AKAP14: variants seen among roughly 807,000 people sequenced by gnomAD.
AKAP14 encodes the protein A-kinase anchoring protein 14, also known as A-kinase anchor protein 14.
Under a neutral mutation model 17.0 loss-of-function variants are expected in AKAP14, and 4 were observed. The observed-to-expected ratio is 0.23, with a 90% CI of 0.12 to 0.54. The LOEUF is 0.54. AKAP14 is among the 20% of genes least tolerant of loss of function. The pLI is 0.95. For missense variants in AKAP14, 129 were observed against 150.9 expected (o/e 0.85, Z 0.76); for synonymous variants, 42 against 51.3 (o/e 0.82, Z 0.77).
At chrX:119,900,255 G>C (rs759270728) in intron 2 of AKAP14, among the ~76,000 whole-genome samples, 1 of 112,184 alleles carries the variant, frequency 8.9e-6, no homozygotes, top group South Asian at 3.7e-4. Context: ...ACCACACCTG[G>C]CTAATTTTTG....
intron 2 of AKAP14, among the ~76,000 whole-genome samples, chrX:119,899,575 G>GCAGC (rs751195182): frequency 0.017 from 1,879 of 111,357 alleles, 23 homozygotes; most frequent in Middle Eastern, 0.06. Flanking sequence ...GGGACTTCAT[G>GCAGC]CAGCCAGCCA....
chrX:119,899,468 CCGGGG>C (rs2147826638), intron 2 of AKAP14, among the ~76,000 whole-genome samples: 1 of 111,440 alleles, frequency 9.0e-6, no homozygotes, highest in Admixed American at 9.7e-5. Context: ...GTGCAGCTCC[CCGGGG>C]CTAGTAACAG....
chrX:119,914,014 C>T (rs2056642719), intron 4 of AKAP14, among the ~76,000 whole-genome samples: 1 of 110,625 alleles, frequency 9.0e-6, no homozygotes, highest in South Asian at 3.9e-4. Flanking sequence ...GTGGGTAAAT[C>T]GCTTGAGGTC....
intron 4 of AKAP14, among the ~76,000 whole-genome samples, chrX:119,907,711 G>T (rs769566989): frequency 9.1e-6 from 1 of 110,412 alleles, no homozygotes; most frequent in Non-Finnish European, 1.9e-5. Context: ...CTCCTGCCTC[G>T]GCCTCCTAAA....
chrX:119,899,860 A>G (rs1399814782), intron 2 of AKAP14, among the ~76,000 whole-genome samples: 1 of 112,174 alleles, frequency 8.9e-6, no homozygotes, highest in Non-Finnish European at 1.9e-5. Flanking sequence ...TTATAGAAAA[A>G]TAGCTCCATT....
At chrX:119,914,441 C>T (rs935457591) in intron 4 of AKAP14, among the ~76,000 whole-genome samples, 4 of 110,259 alleles carry the variant, frequency 3.6e-5, no homozygotes, top group African/African-American at 1.3e-4. Context: ...TTGCCTCAGC[C>T]TCCCCAGTAG....
At chrX:119,911,961 G>A (rs757657935) in intron 4 of AKAP14, among the ~76,000 whole-genome samples, 24 of 104,127 alleles carry the variant, frequency 2.3e-4, no homozygotes, top group Admixed American at 1.1e-3. Context: ...ATGGAGTTTC[G>A]CTCTTGTCGC....
intron 5 of AKAP14, among the ~76,000 whole-genome samples, chrX:119,919,255 A>G (rs781602970): frequency 1.6e-3 from 178 of 112,211 alleles, no homozygotes; most frequent in Non-Finnish European, 2.8e-3. Flanking sequence ...CTTTTCATCT[A>G]TATTAATTCA....
rs1445812837 is a variant in AKAP14, at chrX:119,914,000, C to T, written c.262-699C>T. On this transcript the variant is annotated intron_variant, in intron 4 of 6. Transcript: ENST00000371431. ...CTGTATTCCCAGCACTTTGGGAGGC[C>T]AAGGTGGGTAAATCGCTTGAGGTCA... Among the ~76,000 whole-genome samples the T allele has an allele frequency of 3.6e-5, 4 of 110,888 alleles. No individual in the cohort carries two copies. The East Asian group carries it at 1.1e-3, about 31-fold the overall frequency.
Position 119,913,650 on chromosome X carries a change from C to T in AKAP14, c.262-1049C>T, listed in dbSNP as rs186702193. ...AATTAGCTGGGCGTGGTGGCGCATGCCTGTAATCCCAGCTACTCGGGAGGC... is the reference window on the plus strand; with the variant it reads ...AATTAGCTGGGCGTGGTGGCGCATGTCTGTAATCCCAGCTACTCGGGAGGC... On this transcript the variant is annotated intron_variant, in intron 4 of 6. Transcript: ENST00000371431. Among the ~76,000 whole-genome samples the T allele has an allele frequency of 4.0e-3, 442 of 111,796 alleles. 2 individuals are homozygous for T. In the Middle Eastern group the frequency reaches 0.042, roughly 11 times the overall value.
At chrX:119,909,083 A>G (rs1280118438) in intron 4 of AKAP14, among the ~76,000 whole-genome samples, 2 of 111,617 alleles carry the variant, frequency 1.8e-5, no homozygotes, top group East Asian at 5.6e-4. Context: ...GAAGGGCTGC[A>G]TTAGATTATC....
At chrX:119,907,086 C>G (rs2056602038) in intron 4 of AKAP14, among the ~76,000 whole-genome samples, 1 of 110,844 alleles carries the variant, frequency 9.0e-6, no homozygotes, top group Admixed American at 9.7e-5. Flanking sequence ...CAACCTCTCT[C>G]TGATTGAGCA....
intron 4 of AKAP14, among the ~76,000 whole-genome samples, chrX:119,906,717 A>T (rs1419815287): frequency 2.8e-5 from 3 of 108,430 alleles, no homozygotes; most frequent in East Asian, 5.9e-4. Flanking sequence ...TTTTATTTTT[A>T]ATTTTTAGTA....
intron 6 of AKAP14, 92 bp downstream of exon 6, chrX:119,920,055 T>A: frequency 1.1e-6 from 1 of 922,053 alleles, no homozygotes; most frequent in Non-Finnish European, 1.6e-6. Flanking sequence ...AGATAGTTCA[T>A]GTAATGGTCA....
chrX:119,919,705 G>T, intron 5 of AKAP14: 1 of 341,194 alleles, frequency 2.9e-6, no homozygotes, highest in East Asian at 4.9e-5. Context: ...AAATAGCTGG[G>T]TGTGGTGGCG....
chrX:119,903,855 C>G (rs1415459760), intron 4 of AKAP14, among the ~76,000 whole-genome samples: 3 of 111,999 alleles, frequency 2.7e-5, no homozygotes, highest in African/African-American at 9.7e-5. Context: ...CCTACTTAAG[C>G]AATTTGTCCA....
intron 2 of AKAP14, among the ~76,000 whole-genome samples, chrX:119,897,308 C>T (rs1266327679): frequency 2.7e-5 from 3 of 109,557 alleles, no homozygotes; most frequent in Non-Finnish European, 5.7e-5. Flanking sequence ...TACAGGCACC[C>T]GCCACCACGG....
At chrX:119,903,066 C>A in intron 2 of AKAP14, 148 bp from the exon 3 acceptor site, 1 of 517,141 alleles carries the variant, frequency 1.9e-6, no homozygotes, top group Non-Finnish European at 3.1e-6. Context: ...ACAGGTCTGA[C>A]TCCTACCCTT....
At chrX:119,918,245 T>G (rs194286) in intron 5 of AKAP14, among the ~76,000 whole-genome samples, 35,659 of 110,674 alleles carry the variant, frequency 0.32, 4,787 homozygotes, top group African/African-American at 0.51. Flanking sequence ...GTTTTGTTTT[T>G]TTTTTAGATG....
Sources: gnomAD v4.1 joint callset for allele counts (sites outside exome capture counted in the v4.1 genomes callset) on GRCh38, gnomAD v4.1.1 for gene constraint, MANE v1.5 for transcripts, NCBI Gene and HGNC (gene_info 2026-07-23, HGNC 2026-07-21) for gene names.